OCA2: variants seen among roughly 807,000 people sequenced by gnomAD.
The protein encoded by OCA2 is OCA2 melanosomal transmembrane protein.
OCA2 carries 77 observed loss-of-function variants against 100.2 expected under a neutral mutation model. That is an observed-to-expected ratio of 0.77 (90% CI 0.64 to 0.93). OCA2 has a LOEUF of 0.93. OCA2 is among the 40% of genes least tolerant of loss of function. OCA2 has a pLI of 0.00. For synonymous variants in OCA2, 432 were observed against 439.2 expected (o/e 0.98, Z 0.21); for missense variants, 1,062 against 1,089.1 (o/e 0.98, Z 0.35).
chr15:27,918,022 C>G (rs553603982), intron 19 of OCA2, among the ~76,000 whole-genome samples: 4 of 151,832 alleles, frequency 2.6e-5, no homozygotes, highest in South Asian at 2.1e-4. Flanking sequence ...CTTGCAAAAC[C>G]ACAATTCATA....
chr15:27,779,906 G>A (rs1490869382), intron 23 of OCA2, among the ~76,000 whole-genome samples: 1 of 151,968 alleles, frequency 6.6e-6, no homozygotes, highest in African/African-American at 2.4e-5. Flanking sequence ...GATATGCTTT[G>A]AATAAATTCT....
At chr15:27,889,706 C>A (rs1273098044) in intron 19 of OCA2, among the ~76,000 whole-genome samples, 2 of 152,208 alleles carry the variant, frequency 1.3e-5, no homozygotes, top group African/African-American at 4.8e-5. Flanking sequence ...CCTGTCAGAG[C>A]CAGGGAATGG....
At position 27,871,177 on chromosome 15, in the gene OCA2, T is replaced by G. The variant is rs1255853772; in HGVS notation, c.2221A>C (p.Asn741His). The G allele has an allele frequency of 6.2e-7, 1 of 1,613,994 alleles. No homozygotes were observed. Among genetic ancestry groups the G allele is most frequent in the South Asian group, 1.1e-5 (1 of 91,068 alleles). The change falls in exon 21 of 24, where the codon AAC becomes CAC. Residue 741 changes from asparagine to histidine, a missense_variant. Asn to His is a moderately conservative substitution (Grantham distance 68, BLOSUM62 1). Coordinates refer to ENST00000354638, the MANE Select transcript of OCA2 (RefSeq NM_000275.3). Reference sequence around the variant, plus strand: ...ACCATGGTAGCAGTGAACGGGATGTTGTCAATCAGGGACGACGCCAGGGCT... The same window carrying G: ...ACCATGGTAGCAGTGAACGGGATGTGGTCAATCAGGGACGACGCCAGGGCT... ...VSALASSLID[N>H]IPFTATMIPV... is the part of the protein sequence containing the mutation.
At chr15:27,903,247 G>C (rs1376112159) in intron 19 of OCA2, among the ~76,000 whole-genome samples, 1 of 152,202 alleles carries the variant, frequency 6.6e-6, no homozygotes, top group Non-Finnish European at 1.5e-5. Context: ...TCCTCACCCA[G>C]CTGTGTGTGT....
chr15:27,902,222 T>G (rs559276380), intron 19 of OCA2, among the ~76,000 whole-genome samples: 43 of 152,026 alleles, frequency 2.8e-4, no homozygotes, highest in Non-Finnish European at 4.7e-4. Flanking sequence ...TGTTGTTGTT[T>G]TTTTCTATTT....
chr15:28,010,165 A>T (rs939700360), intron 9 of OCA2, among the ~76,000 whole-genome samples: 6 of 151,690 alleles, frequency 4.0e-5, no homozygotes, highest in Non-Finnish European at 8.8e-5. Context: ...TATGGTTTTT[A>T]AAAAAAAAGA....
chr15:28,064,432 T>A (rs2043964612), intron 2 of OCA2, among the ~76,000 whole-genome samples: 1 of 152,022 alleles, frequency 6.6e-6, no homozygotes, highest in African/African-American at 2.4e-5. Context: ...TTTCCACAGG[T>A]CCCTTGGGCT....
chr15:28,057,893 A>G (rs980781689), intron 2 of OCA2, among the ~76,000 whole-genome samples: 1 of 152,214 alleles, frequency 6.6e-6, no homozygotes, highest in Non-Finnish European at 1.5e-5. Flanking sequence ...CCCTTCCCAG[A>G]TCAACCAAAC....
intron 12 of OCA2, 68 bp downstream of exon 12, chr15:27,986,519 T>C: frequency 4.9e-6 from 5 of 1,011,408 alleles, no homozygotes; most frequent in South Asian, 2.7e-5. Context: ...TTCCTAAATA[T>C]ATAATGTCAG....
intron 9 of OCA2, among the ~76,000 whole-genome samples, chr15:27,994,680 A>C (rs528331313): frequency 1.3e-4 from 20 of 152,230 alleles, no homozygotes; most frequent in Non-Finnish European, 2.6e-4. Flanking sequence ...CAAGCAATAC[A>C]TGCTGAGCAA....
At chr15:27,757,774 C>G (rs2030503959) in intron 23 of OCA2, among the ~76,000 whole-genome samples, 1 of 152,186 alleles carries the variant, frequency 6.6e-6, no homozygotes, top group African/African-American at 2.4e-5. Flanking sequence ...GAGCCCTCAA[C>G]AAGTTTTAGC....
At chr15:27,777,339 T>G (rs773593108) in intron 23 of OCA2, among the ~76,000 whole-genome samples, 6 of 152,144 alleles carry the variant, frequency 3.9e-5, no homozygotes, top group Non-Finnish European at 8.8e-5. Flanking sequence ...GACTCCCTTC[T>G]AGGGAGGGAG....
chr15:27,875,957 C>T (rs1234472144), intron 19 of OCA2, among the ~76,000 whole-genome samples: 1 of 151,894 alleles, frequency 6.6e-6, no homozygotes, highest in Non-Finnish European at 1.5e-5. Flanking sequence ...AATCATATAG[C>T]CTACAAACAA....
intron 3 of OCA2, among the ~76,000 whole-genome samples, 191 bp downstream of exon 3, chr15:28,031,874 A>C (rs1374725151): frequency 6.6e-6 from 1 of 152,222 alleles, no homozygotes; most frequent in East Asian, 1.9e-4. Flanking sequence ...GGTTATGCTC[A>C]AGGCCATCTG....
intron 23 of OCA2, among the ~76,000 whole-genome samples, chr15:27,774,779 CAG>C (rs1238602919): frequency 2.0e-5 from 3 of 152,156 alleles, no homozygotes; most frequent in Admixed American, 6.5e-5. Flanking sequence ...TCTAGACACA[CAG>C]AGAGGCAGCC....
intron 9 of OCA2, among the ~76,000 whole-genome samples, chr15:28,002,721 A>C (rs1251403820): frequency 6.6e-6 from 1 of 152,150 alleles, no homozygotes; most frequent in Non-Finnish European, 1.5e-5. Context: ...TGTCCCTGCC[A>C]CCAAGGCCTG....
chr15:27,845,093 G>C, intron 22 of OCA2, 41 bp from the exon 23 acceptor site: 1 of 1,419,528 alleles, frequency 7.0e-7, no homozygotes, highest in Non-Finnish European at 1.0e-6. Context: ...GTTCATCTTG[G>C]TGGTAAGCTT....
the OCA2 span, among the ~76,000 whole-genome samples, chr15:27,728,482 C>T: frequency 6.6e-6 from 1 of 152,024 alleles, no homozygotes; most frequent in Non-Finnish European, 1.5e-5. Context: ...CATCAGCCTT[C>T]TTTCATTTTT....
At chr15:27,950,697 C>T in intron 18 of OCA2, 1 of 306,724 alleles carries the variant, frequency 3.3e-6, no homozygotes, top group South Asian at 2.6e-5. Context: ...GGCTTTTTTA[C>T]ATAAGAGAAA....
Sources: gnomAD v4.1 joint callset for allele counts (sites outside exome capture counted in the v4.1 genomes callset) on GRCh38, gnomAD v4.1.1 for gene constraint, MANE v1.5 for transcripts, NCBI Gene and HGNC (gene_info 2026-07-23, HGNC 2026-07-21) for gene names.